The following MIER1 variants were observed in gnomAD, a reference collection of about 807,000 sequenced individuals.
MIER1 encodes the protein MIER1 transcriptional regulator, also known as mesoderm induction early response protein 1.
Under a neutral mutation model 75.7 loss-of-function variants are expected in MIER1, and 40 were observed. The observed-to-expected ratio is 0.53, with a 90% CI of 0.41 to 0.69. The LOEUF (loss-of-function observed/expected upper bound fraction) is 0.69. MIER1 is among the 30% of genes least tolerant of loss of function. The probability of loss-of-function intolerance (pLI) is 0.00; values close to 1 mark genes in which losing one functional copy is unlikely to be tolerated. For synonymous variants in MIER1, 213 were observed against 223.4 expected (o/e 0.95, Z 0.42); for missense variants, 574 against 680.2 (o/e 0.84, Z 1.74).
intron 2 of MIER1, among the ~76,000 whole-genome samples, chr1:66,928,316 A>C (rs1570008190): frequency 6.6e-6 from 1 of 152,162 alleles, no homozygotes; most frequent in East Asian, 1.9e-4. Context: ...AGGTTAATAG[A>C]CTATGATCCC....
intron 2 of MIER1, chr1:66,930,417 C>T: frequency 6.2e-7 from 1 of 1,605,914 alleles, no homozygotes; most frequent in South Asian, 1.1e-5. Context: ...GAGCGAGCTC[C>T]CCCTCCCTGT....
intron 3 of MIER1, among the ~76,000 whole-genome samples, chr1:66,941,029 G>T (rs1656079565): frequency 6.6e-6 from 1 of 152,164 alleles, no homozygotes; most frequent in South Asian, 2.1e-4. Flanking sequence ...GAATTTTCCA[G>T]ATTATTGAAG....
At chr1:66,978,514 T>TA (rs747332163) in intron 12 of MIER1, among the ~76,000 whole-genome samples, 4 of 152,212 alleles carry the variant, frequency 2.6e-5, no homozygotes, top group Non-Finnish European at 4.4e-5. Flanking sequence ...AATTTATAGT[T>TA]AATTTTTTTT....
chr1:66,986,081 A>G lies in MIER1; in HGVS notation c.*1181A>G, dbSNP rs370111740. 9.6e-7 allele frequency: 1 copy of G among 1,046,186 alleles called. No individual in the cohort carries two copies. 64.8% of individuals were successfully genotyped at this position (1,046,186 alleles called of 1,614,324 possible). A position where few individuals can be genotyped will look rare whatever the true frequency, so the allele number is the denominator to read the frequency against. On this transcript the variant is annotated 3_prime_UTR_variant, in exon 14 of 14. Coordinates refer to ENST00000401041, the MANE Select transcript of MIER1 (RefSeq NM_001077700.3). The stretch of plus-strand genomic sequence containing the variant: ...GAGGGGGGTCAAGTGATACTTAGAT[A>G]TTGGCACACACAAGGAACAACTGTT...
At chr1:66,956,063 C>T (rs1455717030) in intron 4 of MIER1, among the ~76,000 whole-genome samples, 1 of 152,188 alleles carries the variant, frequency 6.6e-6, no homozygotes, top group African/African-American at 2.4e-5. Context: ...GAAATCAAAG[C>T]ATCTATCATA....
Position 66,925,096 on chromosome 1 carries a change from G to GT in MIER1, c.67+2dup. ...GGCGGCGGCAGCAGCGGCAGCGGCT[G>GT]TAAGTGCAGCCTCCACAAGCCATCT... is the stretch of plus-strand genomic sequence containing the variant. On this transcript the variant is annotated splice_donor_variant, in intron 1 of 13. Transcript: ENST00000401041. LOFTEE classifies it high-confidence loss of function. 4 of 1,547,996 alleles carry GT rather than the reference G, an allele frequency of 2.6e-6. No individual in the cohort carries two copies. The highest frequency in any genetic ancestry group is 3.5e-6 in the Non-Finnish European group (4 of 1,146,000).
chr1:66,986,136 A>G lies in MIER1; in HGVS notation c.*1236A>G. The G allele has an allele frequency of 8.7e-7, 1 of 1,145,100 alleles. No homozygotes were observed. The highest frequency in any genetic ancestry group is 1.1e-6 in the Non-Finnish European group (1 of 933,100). 70.9% of individuals were successfully genotyped at this position (1,145,100 alleles called of 1,614,324 possible). Reference sequence around the variant, plus strand: ...GGCAGTATCGATTTTATGAAGAGAAAGTGAAGTTTGAAAACTTTTCAAACT... The same window carrying G: ...GGCAGTATCGATTTTATGAAGAGAAGGTGAAGTTTGAAAACTTTTCAAACT... On this transcript the variant is annotated 3_prime_UTR_variant, in exon 14 of 14. Coordinates refer to ENST00000401041, the MANE Select transcript of MIER1 (RefSeq NM_001077700.3).
At chr1:66,931,267 G>A (rs1218856703) in intron 2 of MIER1, among the ~76,000 whole-genome samples, 1 of 152,142 alleles carries the variant, frequency 6.6e-6, no homozygotes, top group African/African-American at 2.4e-5. Context: ...CTAAGTATAC[G>A]CTACTGGAAC....
At chr1:66,925,467 T>C (rs528394213) in intron 1 of MIER1, 1 of 985,470 alleles carries the variant, frequency 1.0e-6, no homozygotes, top group Admixed American at 6.1e-5. Context: ...GCTCCGCCTC[T>C]TTCTCCTGTA....
chr1:66,958,116 C>A lies in MIER1; in HGVS notation c.397C>A (p.Arg133=), dbSNP rs1660525417. The change falls in exon 5 of 14, where the codon CGA becomes AGA. Residue 133 remains arginine, a synonymous_variant. Coordinates refer to ENST00000401041, the MANE Select transcript of MIER1 (RefSeq NM_001077700.3). ...LSLYGYGSTV[R]LPEEDEEEEE... is the part of the protein sequence containing the mutation. ...CCTTTATGGTTATGGTAGTACTGTT[C>A]GACTACCTGAAGAAGATGAGGAAGA... 3 of 1,608,122 alleles carry A rather than the reference C, an allele frequency of 1.9e-6. No individual in the cohort carries two copies. In the East Asian group the frequency reaches 6.7e-5, roughly 36 times the overall value.
At chr1:66,953,655 G>A (rs1424342014) in intron 4 of MIER1, among the ~76,000 whole-genome samples, 2 of 149,942 alleles carry the variant, frequency 1.3e-5, no homozygotes, top group East Asian at 2.0e-4. Flanking sequence ...CCAGGCTGGA[G>A]TGCAGTGACA....
At chr1:66,926,848 T>TTA (rs1304845982) in intron 2 of MIER1, among the ~76,000 whole-genome samples, 1 of 152,166 alleles carries the variant, frequency 6.6e-6, no homozygotes, top group Non-Finnish European at 1.5e-5. Context: ...GTCTAAATTG[T>TTA]TATAAGTACA....
At chr1:66,940,177 G>T in intron 3 of MIER1, 125 bp downstream of exon 3, 1 of 628,562 alleles carries the variant, frequency 1.6e-6, no homozygotes, top group East Asian at 3.0e-5. Context: ...CTTTTCTCTG[G>T]GGAAAAAGAA....
At position 66,958,842 on chromosome 1, in the gene MIER1, AT is replaced by A. The variant is rs1433171148; in HGVS notation, c.502-7del. The A allele has an allele frequency of 6.3e-7, 1 of 1,589,288 alleles. No homozygotes were observed. Among genetic ancestry groups the A allele is most frequent in the Non-Finnish European group, 8.6e-7 (1 of 1,165,768 alleles). ...ACATCTTAGAGAAATTTAATTTATT[AT>A]TCCACAGGAGGAGAATATAAAGGAT... On this transcript the variant is annotated splice_region_variant and splice_polypyrimidine_tract_variant and intron_variant, in intron 5 of 13. Transcript: ENST00000401041.
Position 66,970,942 on chromosome 1 carries a change from A to G in MIER1, c.907A>G (p.Ile303Val). ...AGAAGCAATTCCTGAAGGATCTCAC[A>G]TAAAAGACAATGAACAGGTCTGTGA... ...GVEAIPEGSH[I>V]KDNEQALYEL... Residue 303 changes from isoleucine (I) to valine (V), a missense_variant, in exon 9 of 14, where the codon ATA becomes GTA. This residue lies in a region of MIER1 where 101 missense variants were observed against 173.1 expected (regional missense o/e 0.58). Coordinates refer to ENST00000401041, the MANE Select transcript of MIER1 (RefSeq NM_001077700.3). The G allele has an allele frequency of 6.3e-7, 1 of 1,582,788 alleles. No individual in the cohort carries two copies. Among genetic ancestry groups the G allele is most frequent in the Non-Finnish European group, 8.5e-7 (1 of 1,171,200 alleles).
chr1:66,964,009 C>CCATTT (rs368673064), intron 8 of MIER1, among the ~76,000 whole-genome samples: 1 of 149,394 alleles, frequency 6.7e-6, no homozygotes, highest in African/African-American at 2.5e-5. Context: ...TTTTTTTTTT[C>CCATTT]CATTTCATTT....
rs1657601759 is a variant in MIER1, at chr1:66,946,213, TTGA to T, written c.264_266del (p.Asp88del). The T allele has an allele frequency of 2.5e-6, 4 of 1,612,058 alleles. No homozygotes were observed. Among genetic ancestry groups the T allele is most frequent in the Non-Finnish European group, 3.4e-6 (4 of 1,179,520 alleles). ...TCAGCTGACATGCTGGTTCATGATT[TTGA>T]TGATGAACGAACATTAGAAGAGGAA... On this transcript the variant is annotated inframe_deletion, in exon 4 of 14. Transcript: ENST00000401041.
rs200891260 is a variant in MIER1 at position 66,926,098 on chromosome 1, G to T, written c.68-44G>T. On this transcript the variant is annotated intron_variant, in intron 1 of 13. Coordinates refer to ENST00000401041, the MANE Select transcript of MIER1 (RefSeq NM_001077700.3). ...GGGTGGATGGTGAGCTTGTATCATCGTTTCTGTCTCCTTGCTACTGAGGCT... is the reference window on the plus strand; with the variant it reads ...GGGTGGATGGTGAGCTTGTATCATCTTTTCTGTCTCCTTGCTACTGAGGCT... The T allele has an allele frequency of 6.1e-6, 9 of 1,482,030 alleles. No individual in the cohort carries two copies. The South Asian group carries it at 9.1e-5, about 15-fold the overall frequency. 91.8% of individuals were successfully genotyped at this position (1,482,030 alleles called of 1,614,324 possible).
chr1:66,963,549 A>G (rs1661682373), intron 8 of MIER1, among the ~76,000 whole-genome samples: 1 of 152,204 alleles, frequency 6.6e-6, no homozygotes, highest in African/African-American at 2.4e-5. Flanking sequence ...ACGAGAGTAA[A>G]TAACTGATAT....
Sources: gnomAD v4.1 joint callset for allele counts (sites outside exome capture counted in the v4.1 genomes callset) on GRCh38, gnomAD v4.1.1 for gene constraint, gnomAD v4.1.1 regional missense constraint, MANE v1.5 for transcripts, NCBI Gene and HGNC (gene_info 2026-07-23, HGNC 2026-07-21) for gene names.